Variants in TRIM60 observed in about 807,000 individuals in gnomAD.
TRIM60 encodes the protein tripartite motif containing 60.
For synonymous variants in TRIM60, 189 were observed against 195.2 expected (o/e 0.97, Z 0.27); for missense variants, 524 against 540.8 (o/e 0.97, Z 0.31).
Position 165,041,248 on chromosome 4 carries a change from G to A in TRIM60, c.1176G>A (p.Met392Ile). Residue 392 changes from methionine (M) to isoleucine (I), a missense_variant, in exon 3 of 3, where the codon ATG (methionine) becomes ATA (isoleucine). By Grantham distance (10) the Met-to-Ile change is conservative. Transcript: ENST00000512596. ...LGGFWAIGRY[M>I]KSGYVASGPK... is the part of the protein sequence containing the mutation. ...GATTCTGGGCAATTGGGCGATACAT[G>A]AAGAGTGGTTATGTTGCGTCAGGTC... The A allele has an allele frequency of 6.2e-7, 1 of 1,614,210 alleles. No individual in the cohort carries two copies. The highest frequency in any genetic ancestry group is 8.5e-7 in the Non-Finnish European group (1 of 1,180,034).
At position 165,040,626 on chromosome 4, in the gene TRIM60, C is replaced by T. The variant is rs1402292313; in HGVS notation, c.554C>T (p.Ser185Phe). 3 of 1,614,060 alleles carry T rather than the reference C, an allele frequency of 1.9e-6. No homozygotes were observed. In the South Asian group the frequency reaches 3.3e-5, roughly 18 times the overall value. The part of the protein sequence containing the change: ...KVEYKREEIN[S>F]EFEQIRLFLQ... ...GAATATAAGAGGGAAGAAATAAATTCTGAGTTTGAGCAAATAAGATTGTTT... is the reference window on the plus strand; with the variant it reads ...GAATATAAGAGGGAAGAAATAAATTTTGAGTTTGAGCAAATAAGATTGTTT... The change falls in exon 3 of 3, where the codon TCT becomes TTT. Residue 185 changes from serine to phenylalanine, a missense_variant. Ser to Phe is a radical substitution (Grantham distance 155). Coordinates refer to ENST00000512596, the MANE Select transcript of TRIM60 (RefSeq NM_152620.3).
chr4:165,039,863 G>T (rs1240542716), intron 2 of TRIM60, among the ~76,000 whole-genome samples: 1 of 151,000 alleles, frequency 6.6e-6, no homozygotes, highest in African/African-American at 2.4e-5. Context: ...TGTAAGCTTT[G>T]AATTATTATA....
intron 1 of TRIM60, among the ~76,000 whole-genome samples, chr4:165,037,115 C>T (rs887046633): frequency 1.3e-5 from 2 of 151,452 alleles, no homozygotes; most frequent in Admixed American, 6.6e-5. Flanking sequence ...TCAGGAGAAT[C>T]GCTTGAACCC....
rs1733743712 is a variant in TRIM60 at position 165,040,838 on chromosome 4, C to T, written c.766C>T (p.His256Tyr). The T allele has an allele frequency of 1.2e-6, 2 of 1,613,970 alleles. No individual in the cohort carries two copies. Among genetic ancestry groups the T allele is most frequent in the Non-Finnish European group, 1.7e-6 (2 of 1,179,986 alleles). The change falls in exon 3 of 3, where the codon CAC (histidine) becomes TAC (tyrosine). Residue 256 changes from histidine (H) to tyrosine (Y), a missense_variant. Coordinates refer to ENST00000512596, the MANE Select transcript of TRIM60 (RefSeq NM_152620.3). Reference sequence around the variant, plus strand: ...ATTACTGACACAAGCTAAGAGTATGCACCACAAGTATCAAAACCTAAAATG... The same window carrying T: ...ATTACTGACACAAGCTAAGAGTATGTACCACAAGTATCAAAACCTAAAATG... ...LELLTQAKSM[H>Y]HKYQNLKCPE...
intron 1 of TRIM60, among the ~76,000 whole-genome samples, chr4:165,034,069 C>T (rs1733564683): frequency 6.6e-6 from 1 of 152,054 alleles, no homozygotes; most frequent in African/African-American, 2.4e-5. Flanking sequence ...TTAGGGGAAG[C>T]TGGAGTGTGT....
Position 165,032,910 on chromosome 4 carries a change from G to T in TRIM60, c.-57+798G>T, listed in dbSNP as rs1218423327. ...AGCACAAGAATCAGAGTAGGAGCCA[G>T]GCGCGGTGGCTCACACCTGTAACCC... is the stretch of plus-strand genomic sequence containing the variant. On this transcript the variant is annotated intron_variant, in intron 1 of 2. Transcript: ENST00000512596. 3.9e-5 allele frequency among the ~76,000 whole-genome samples: 6 copies of T among 152,130 alleles called. 1 individual carries two copies. Among genetic ancestry groups the T allele is most frequent in the Admixed American group, 3.9e-4 (6 of 15,272 alleles).
chr4:165,035,478 G>T (rs1051276365), intron 1 of TRIM60, among the ~76,000 whole-genome samples: 1 of 152,212 alleles, frequency 6.6e-6, no homozygotes, highest in Non-Finnish European at 1.5e-5. Flanking sequence ...TCCGCTCTGC[G>T]TGATGTCACA....
Position 165,041,249 on chromosome 4 carries a change from A to C in TRIM60, c.1177A>C (p.Lys393Gln). 1.9e-6 allele frequency: 3 copies of C among 1,614,170 alleles called. No homozygotes were observed. The highest frequency in any genetic ancestry group is 2.5e-6 in the Non-Finnish European group (3 of 1,180,028). Residue 393 changes from lysine to glutamine, a missense_variant, in exon 3 of 3, where the codon AAG becomes CAG. Transcript: ENST00000512596. ...GGFWAIGRYM[K>Q]SGYVASGPKT... ...ATTCTGGGCAATTGGGCGATACATG[A>C]AGAGTGGTTATGTTGCGTCAGGTCC...
intron 1 of TRIM60, among the ~76,000 whole-genome samples, chr4:165,033,144 G>A (rs1156700221): frequency 6.6e-6 from 1 of 152,146 alleles, no homozygotes; most frequent in African/African-American, 2.4e-5. Context: ...AATGGAGATC[G>A]CGCCACTGCA....
Position 165,040,201 on chromosome 4 carries a change from C to T in TRIM60, c.129C>T (p.Ser43=), listed in dbSNP as rs1465904840. The part of the protein sequence containing the change: ...HNFCRSCLSV[S]WKDLDDTFPC... The stretch of plus-strand genomic sequence containing the variant: ...TCTGTCGCTCCTGCCTCAGTGTATC[C>T]TGGAAGGATCTAGATGATACCTTTC... The change falls in exon 3 of 3, where the codon TCC becomes TCT. Residue 43 remains serine, a synonymous_variant. Transcript: ENST00000512596. The T allele has an allele frequency of 6.2e-7, 1 of 1,614,194 alleles. No homozygotes were observed. Among genetic ancestry groups the T allele is most frequent in the South Asian group, 1.1e-5 (1 of 91,088 alleles).
chr4:165,032,394 G>T (rs1031911569), intron 1 of TRIM60, among the ~76,000 whole-genome samples: 1 of 152,156 alleles, frequency 6.6e-6, no homozygotes, highest in African/African-American at 2.4e-5. Context: ...GATTACAGGC[G>T]CTCGCCACCA....
chr4:165,040,758 C>T lies in TRIM60; in HGVS notation c.686C>T (p.Thr229Ile). 1 of 1,614,064 alleles carries T rather than the reference C, an allele frequency of 6.2e-7. No individual in the cohort carries two copies. The highest frequency in any genetic ancestry group is 8.5e-7 in the Non-Finnish European group (1 of 1,179,994). ...GTAGAACTTTCAGATTATGTTTCCA[C>T]ATTAAAACATCTACTGAGGGAGGTA... ...NLVELSDYVS[T>I]LKHLLREVEG... The change falls in exon 3 of 3, where the codon ACA (threonine) becomes ATA (isoleucine). Residue 229 changes from threonine to isoleucine, a missense_variant. Thr to Ile is a moderately conservative substitution (Grantham distance 89, BLOSUM62 -1). Transcript: ENST00000512596.
rs1193900349 is a variant in TRIM60, at chr4:165,041,748, A to AT, written c.*260_*261insT. 3.2e-4 allele frequency: 98 copies of AT among 306,950 alleles called. No homozygotes were observed. The highest frequency in any genetic ancestry group is 2.3e-3 in the East Asian group (36 of 15,868). The allele number at this position is 306,950 out of a possible 1,614,324, so 19.0% of individuals were successfully genotyped here. ...AATAAAATGTTTTCAAATTGCCTAT[A>AT]ATTTTTTTTTTTAGTTAAGCAAATT... is the stretch of plus-strand genomic sequence containing the variant. On this transcript the variant is annotated 3_prime_UTR_variant, in exon 3 of 3. Coordinates refer to ENST00000512596, the MANE Select transcript of TRIM60 (RefSeq NM_152620.3).
intron 1 of TRIM60, among the ~76,000 whole-genome samples, chr4:165,036,956 A>G (rs1467178228): frequency 3.3e-5 from 5 of 151,762 alleles, no homozygotes; most frequent in Admixed American, 3.3e-4. Context: ...AGTTCCCAGC[A>G]CTTTGGGAGG....
rs780573718 is a variant in TRIM60 at position 165,041,019 on chromosome 4, C to T, written c.947C>T (p.Ala316Val). 6.2e-7 allele frequency: 1 copy of T among 1,613,966 alleles called. No homozygotes were observed. Among genetic ancestry groups the T allele is most frequent in the East Asian group, 2.2e-5 (1 of 44,888 alleles). ...CTTCTTGTCTCTGAGGATAGAAAAG[C>T]TGTGCGATATGAAAGAAAAAAACGA... is the stretch of plus-strand genomic sequence containing the variant. ...PQLLVSEDRK[A>V]VRYERKKRNI... Residue 316 changes from alanine (A) to valine (V), a missense_variant, in exon 3 of 3, where the codon GCT becomes GTT. By Grantham distance (64) the Ala-to-Val change is moderately conservative. Transcript: ENST00000512596.
intron 1 of TRIM60, among the ~76,000 whole-genome samples, chr4:165,034,744 G>T (rs537363388): frequency 3.9e-5 from 6 of 152,238 alleles, no homozygotes; most frequent in African/African-American, 1.4e-4. Flanking sequence ...TAATTTTTAA[G>T]ATGTAATAAT....
chr4:165,035,606 C>T (rs1230010629), intron 1 of TRIM60, among the ~76,000 whole-genome samples: 1 of 152,220 alleles, frequency 6.6e-6, no homozygotes, highest in Non-Finnish European at 1.5e-5. Flanking sequence ...ATCATGCAGG[C>T]TCCTTCCTAG....
At position 165,041,103 on chromosome 4, in the gene TRIM60, GA is replaced by G; in HGVS notation, c.1032del (p.Arg344SerfsTer11). ...YVCPAVLGSQ[R>X]FSSGRHYWEV... The stretch of plus-strand genomic sequence containing the variant: ...TGCCCTGCTGTCCTAGGCTCTCAGA[GA>G]TTTAGTTCTGGCCGACATTACTGGG... On this transcript the variant is annotated frameshift_variant, in exon 3 of 3. Transcript: ENST00000512596. LOFTEE classifies it low-confidence loss of function (END_TRUNC). 1 of 1,614,208 alleles carries G rather than the reference GA, an allele frequency of 6.2e-7. No individual in the cohort carries two copies. The highest frequency in any genetic ancestry group is 8.5e-7 in the Non-Finnish European group (1 of 1,180,028).
In TRIM60 at chr4:165,035,748, G is replaced by A. The variant is rs540398596; in HGVS notation, c.-56-3453G>A. On this transcript the variant is annotated intron_variant, in intron 1 of 2. Coordinates refer to ENST00000512596, the MANE Select transcript of TRIM60 (RefSeq NM_152620.3). ...TCTTTCTTTTTTTTTTTTAGACAGAGTTTTGCTCCTGTTGCCCAGACTGGA... is the reference window on the plus strand; with the variant it reads ...TCTTTCTTTTTTTTTTTTAGACAGAATTTTGCTCCTGTTGCCCAGACTGGA... Among the ~76,000 whole-genome samples the A allele has an allele frequency of 7.5e-4, 113 of 150,074 alleles. 2 individuals carry two copies. The highest frequency in any genetic ancestry group is 2.6e-3 in the African/African-American group (106 of 40,702).
Sources: gnomAD v4.1 joint callset for allele counts (sites outside exome capture counted in the v4.1 genomes callset) on GRCh38, gnomAD v4.1.1 for gene constraint, MANE v1.5 for transcripts, NCBI Gene and HGNC (gene_info 2026-07-23, HGNC 2026-07-21) for gene names.